Variants in CRYM observed in about 807,000 individuals in gnomAD.
CRYM encodes crystallin mu.
A neutral mutation model predicts 32.9 loss-of-function variants in CRYM; 18 were observed. That is an observed-to-expected ratio of 0.55 (90% confidence interval 0.38 to 0.81). CRYM has a LOEUF of 0.81. CRYM is among the 30% of genes least tolerant of loss of function. CRYM has a pLI of 0.00. For missense variants in CRYM, 337 were observed against 393.5 expected (o/e 0.86, Z 1.21); for synonymous variants, 153 against 152.4 (o/e 1.00, Z -0.03).
chr16:21,260,619 T>A (rs1260721722), intron 7 of CRYM, among the ~76,000 whole-genome samples: 1 of 152,126 alleles, frequency 6.6e-6, no homozygotes, highest in Non-Finnish European at 1.5e-5. Context: ...GTACTTCTGT[T>A]TCCTTCAATC....
At chr16:21,260,034 G>A (rs1459628652) in intron 7 of CRYM, among the ~76,000 whole-genome samples, 1 of 152,146 alleles carries the variant, frequency 6.6e-6, no homozygotes, top group Non-Finnish European at 1.5e-5. Flanking sequence ...AGATAAAATT[G>A]TATTGCCTTT....
At chr16:21,275,736 T>A (rs1341699884) in intron 2 of CRYM, 142 bp from the exon 3 acceptor site, 10 of 694,068 alleles carry the variant, frequency 1.4e-5, no homozygotes, top group Non-Finnish European at 2.4e-5. Context: ...TGGATCCGAT[T>A]CCTCCACTTA....
intron 1 of CRYM, chr16:21,300,080 T>C (rs577503948): frequency 6.6e-6 from 1 of 152,274 alleles, no homozygotes; most frequent in South Asian, 2.1e-4. Context: ...GAGCCTGGCA[T>C]TGTTGGGAGG....
chr16:21,275,675 C>T, intron 2 of CRYM, 81 bp from the exon 3 acceptor site: 1 of 1,207,578 alleles, frequency 8.3e-7, no homozygotes, highest in Middle Eastern at 1.9e-4. Flanking sequence ...AAAATATTAG[C>T]TTAGGAAGTT....
At chr16:21,275,368 CT>C (rs2093384177) in intron 3 of CRYM, among the ~76,000 whole-genome samples, 163 bp downstream of exon 3, 1 of 152,204 alleles carries the variant, frequency 6.6e-6, no homozygotes, top group Admixed American at 6.5e-5. Context: ...TAATTGGTAG[CT>C]AATAATTTCG....
Position 21,277,665 on chromosome 16 carries a change from T to C in CRYM, c.171-81A>G. 6.5e-7 allele frequency: 1 copy of C among 1,532,096 alleles called. No individual in the cohort carries two copies. Among genetic ancestry groups the C allele is most frequent in the South Asian group, 1.1e-5 (1 of 87,642 alleles). The allele number at this position is 1,532,096 out of a possible 1,614,324, so 94.9% of individuals were successfully genotyped here. ...AGAAAGTATCCATATACTTTCCTTT[T>C]TCTTTCCTTCCTCACCACCCCACTG... On this transcript the variant is annotated intron_variant, in intron 1 of 7. Transcript: ENST00000572914. This position sits in a 1 kb window ranked among gnomAD's most constrained non-coding sequence, Gnocchi z 4.2.
At chr16:21,269,766 T>TTCCCCCCC in intron 4 of CRYM, 24 bp downstream of exon 4, 1 of 690,470 alleles carries the variant, frequency 1.4e-6, no homozygotes, top group Admixed American at 2.0e-5. Context: ...CCCTCTTCTC[T>TTCCCCCCC]CCCACCCCCA....
chr16:21,276,016 C>G (rs755759709), intron 2 of CRYM, among the ~76,000 whole-genome samples: 1 of 152,274 alleles, frequency 6.6e-6, no homozygotes, highest in East Asian at 1.9e-4. Context: ...AGTGGCTCTC[C>G]GTTCCTGCTG....
At position 21,269,896 on chromosome 16, in the gene CRYM, A is replaced by G. The variant is rs558764151; in HGVS notation, c.388-5T>C. 1.1e-5 allele frequency: 17 copies of G among 1,607,088 alleles called. 1 individual carries two copies. The East Asian group carries it at 1.3e-4, about 13-fold the overall frequency. On this transcript the variant is annotated splice_region_variant and splice_polypyrimidine_tract_variant and intron_variant, in intron 3 of 7. Coordinates refer to ENST00000572914, the MANE Select transcript of CRYM (RefSeq NM_001376256.1). ...ACTGCTGGGAGGTTTCAGAAACTAT[A>G]TGAGAGAAATGAAGTGGCAAAGGTC... is the stretch of plus-strand genomic sequence containing the variant.
chr16:21,276,876 C>G (rs1347345763), intron 2 of CRYM, among the ~76,000 whole-genome samples: 1 of 152,118 alleles, frequency 6.6e-6, no homozygotes. Context: ...TCATATTACC[C>G]ATATCATAGA....
At position 21,278,197 on chromosome 16, in the gene CRYM, T is replaced by C; in HGVS notation, c.55A>G (p.Ser19Gly). 1 of 1,555,682 alleles carries C rather than the reference T, an allele frequency of 6.4e-7. No homozygotes were observed. Among genetic ancestry groups the C allele is most frequent in the Non-Finnish European group, 8.7e-7 (1 of 1,151,076 alleles). The change falls in exon 1 of 8, where the codon AGC (serine) becomes GGC (glycine). Residue 19 changes from serine (S) to glycine (G), a missense_variant. Coordinates refer to ENST00000572914, the MANE Select transcript of CRYM (RefSeq NM_001376256.1). ...AGAGGCGGGATGAGGAGGCTGGAGCTGCGGAGGTGTTCCTCCACCTCGGCC... is the reference window on the plus strand; with the variant it reads ...AGAGGCGGGATGAGGAGGCTGGAGCCGCGGAGGTGTTCCTCCACCTCGGCC... ...SAAEVEEHLR[S>G]SSLLIPPLET...
At chr16:21,288,976 T>A (rs1960543264) in intron 1 of CRYM, among the ~76,000 whole-genome samples, 2 of 152,186 alleles carry the variant, frequency 1.3e-5, no homozygotes, top group Admixed American at 6.5e-5. Flanking sequence ...TTCAGTTTTT[T>A]ATAATTTATT....
At chr16:21,282,133 T>G (rs950076247), upstream of CRYM, among the ~76,000 whole-genome samples, 3 of 152,182 alleles carry the variant, frequency 2.0e-5, no homozygotes, top group Non-Finnish European at 4.4e-5. Context: ...TCTCACGAGA[T>G]CTGATGGTTT....
chr16:21,265,995 G>A lies in CRYM; in HGVS notation c.673+1559C>T, dbSNP rs912067923. On this transcript the variant is annotated intron_variant, in intron 5 of 7. Coordinates refer to ENST00000572914, the MANE Select transcript of CRYM (RefSeq NM_001376256.1). ...TCCCAGCACTTTGGGAGGCTGAGGCGGGTGGATCATTTGAGGTCAGGAGTT... is the reference window on the plus strand; with the variant it reads ...TCCCAGCACTTTGGGAGGCTGAGGCAGGTGGATCATTTGAGGTCAGGAGTT... Among the ~76,000 whole-genome samples the A allele has an allele frequency of 2.0e-5, 3 of 152,128 alleles. No individual in the cohort carries two copies. The East Asian group carries it at 5.8e-4, about 29-fold the overall frequency.
At chr16:21,298,207 C>T (rs1048903426) in intron 1 of CRYM, among the ~76,000 whole-genome samples, 42 of 152,142 alleles carry the variant, frequency 2.8e-4, no homozygotes, top group African/African-American at 9.9e-4. Flanking sequence ...GGGATATTCA[C>T]CAGTTCTGTG....
intron 3 of CRYM, among the ~76,000 whole-genome samples, chr16:21,270,628 G>A (rs752266676): frequency 9.9e-5 from 15 of 152,226 alleles, no homozygotes; most frequent in Admixed American, 3.3e-4. Context: ...CTAAAGTCAC[G>A]TCTTCCATAC....
chr16:21,271,841 T>C (rs1212283252), intron 3 of CRYM, among the ~76,000 whole-genome samples: 1 of 152,052 alleles, frequency 6.6e-6, no homozygotes, highest in Non-Finnish European at 1.5e-5. Context: ...CTGGTAATAG[T>C]GTGATAATTG....
In CRYM at chr16:21,277,379, T is replaced by C; in HGVS notation, c.324+52A>G. ...TGCTGCGGAGAACTTACTTTTGAGC[T>C]TCAATCTGGGCCCAGGGGCCCCATT... On this transcript the variant is annotated intron_variant, in intron 2 of 7. Transcript: ENST00000572914. The surrounding 1 kb of genome is among the most constrained non-coding windows in gnomAD (Gnocchi z 4.2). 1 of 1,603,324 alleles carries C rather than the reference T, an allele frequency of 6.2e-7. No homozygotes were observed. The highest frequency in any genetic ancestry group is 1.7e-5 in the Admixed American group (1 of 59,908).
chr16:21,281,885 T>G (rs1000308100), upstream of CRYM, among the ~76,000 whole-genome samples: 1 of 152,222 alleles, frequency 6.6e-6, no homozygotes, highest in African/African-American at 2.4e-5. Context: ...CTCTCACCTG[T>G]TGAATATGTA....
Sources: allele counts gnomAD v4.1 joint callset (sites outside exome capture counted in the v4.1 genomes callset), GRCh38; gene constraint gnomAD v4.1.1; non-coding constraint Gnocchi (gnomAD v3.1); transcripts MANE v1.5; gene names NCBI Gene and HGNC (gene_info 2026-07-23, HGNC 2026-07-21).